GRM7: variants seen among roughly 807,000 people sequenced by gnomAD.
The protein encoded by GRM7 is metabotropic glutamate receptor 7.
GRM7 carries 35 observed loss-of-function variants against 84.5 expected under a neutral mutation model. The ratio of observed to expected loss-of-function variants is 0.41; its 90% CI spans 0.32 to 0.55. The LOEUF is 0.55. GRM7 is among the 20% of genes least tolerant of loss of function. The probability of loss-of-function intolerance (pLI) is 0.19; values close to 1 mark genes in which losing one functional copy is unlikely to be tolerated. For missense variants in GRM7, 1,003 were observed against 1,194.6 expected (o/e 0.84, Z 2.36); for synonymous variants, 487 against 455.1 (o/e 1.07, Z -0.89).
intron 7 of GRM7, among the ~76,000 whole-genome samples, chr3:7,517,211 A>G (rs571166254): frequency 1.0e-3 from 158 of 152,296 alleles, no homozygotes; most frequent in South Asian, 2.9e-3. Context: ...GATGCAGAGA[A>G]GTTTTGGTCA....
intron 9 of GRM7, among the ~76,000 whole-genome samples, chr3:7,729,679 C>T (rs752153417): frequency 2.6e-5 from 4 of 151,964 alleles, no homozygotes; most frequent in Non-Finnish European, 5.9e-5. Context: ...ATATAAGTGC[C>T]GTGAATAAAG....
At chr3:7,359,060 C>T (rs962694241) in intron 4 of GRM7, among the ~76,000 whole-genome samples, 37 of 144,824 alleles carry the variant, frequency 2.6e-4, no homozygotes, top group Admixed American at 1.4e-4. Flanking sequence ...TGTGGTGAGC[C>T]GAGATCATGC....
chr3:7,252,181 C>T (rs1313428857), intron 2 of GRM7, among the ~76,000 whole-genome samples: 1 of 152,132 alleles, frequency 6.6e-6, no homozygotes, highest in Non-Finnish European at 1.5e-5. Flanking sequence ...GCAGAGAGAA[C>T]AGAATTTGTT....
chr3:7,507,900 A>G (rs950309224), intron 7 of GRM7, among the ~76,000 whole-genome samples: 1 of 152,120 alleles, frequency 6.6e-6, no homozygotes, highest in African/African-American at 2.4e-5. Flanking sequence ...CTTGTTCAAC[A>G]CTTATTTCCA....
chr3:7,025,342 T>C (rs936844601), intron 1 of GRM7, among the ~76,000 whole-genome samples: 2 of 152,208 alleles, frequency 1.3e-5, no homozygotes, highest in African/African-American at 4.8e-5. Context: ...GAAGCATTAT[T>C]CTGTCCGCCA....
At chr3:7,278,156 A>C (rs1438631255) in intron 2 of GRM7, among the ~76,000 whole-genome samples, 1 of 152,076 alleles carries the variant, frequency 6.6e-6, no homozygotes, top group African/African-American at 2.4e-5. Context: ...CAAAGACTTT[A>C]CCTAAGATAT....
intron 4 of GRM7, among the ~76,000 whole-genome samples, chr3:7,401,521 G>A (rs766981403): frequency 4.6e-5 from 7 of 152,002 alleles, no homozygotes; most frequent in Non-Finnish European, 1.0e-4. Context: ...TAAAAGCAAT[G>A]ATTTCTGTGT....
intron 1 of GRM7, among the ~76,000 whole-genome samples, chr3:7,080,159 C>T (rs1430804966): frequency 6.6e-6 from 1 of 152,006 alleles, no homozygotes; most frequent in Non-Finnish European, 1.5e-5. Flanking sequence ...TGTCTTTCCC[C>T]CAGAAAACTA....
chr3:7,212,196 C>T (rs1453290657), intron 2 of GRM7, among the ~76,000 whole-genome samples: 1 of 145,260 alleles, frequency 6.9e-6, no homozygotes, highest in Non-Finnish European at 1.5e-5. Flanking sequence ...TCCTTTGGGT[C>T]TTTTTTTTTT....
intron 8 of GRM7, among the ~76,000 whole-genome samples, chr3:7,581,079 G>A (rs13083677): frequency 0.25 from 37,804 of 151,926 alleles, 4,869 homozygotes; most frequent in Middle Eastern, 0.39. Flanking sequence ...ACATAAAAAG[G>A]AAAAATAATT....
intron 4 of GRM7, among the ~76,000 whole-genome samples, chr3:7,362,219 G>A (rs985282956): frequency 3.3e-5 from 5 of 152,074 alleles, no homozygotes; most frequent in Admixed American, 2.6e-4. Flanking sequence ...ACATGGATGA[G>A]TGAAAGTTGA....
chr3:6,902,562 A>G (rs80270526), intron 1 of GRM7, among the ~76,000 whole-genome samples: 3,876 of 152,290 alleles, frequency 0.025, 106 homozygotes, highest in Middle Eastern at 0.071. Context: ...TTGTTCTATT[A>G]TCTCTTAAAT....
intron 1 of GRM7, chr3:6,894,135 T>C (rs1323896243): frequency 6.6e-6 from 1 of 152,166 alleles, no homozygotes; most frequent in African/African-American, 2.4e-5. Flanking sequence ...CCTCTTAGGT[T>C]TGGGGAAATT....
chr3:7,360,279 A>C (rs1197148703), intron 4 of GRM7, among the ~76,000 whole-genome samples: 1 of 147,776 alleles, frequency 6.8e-6, no homozygotes, highest in Non-Finnish European at 1.5e-5. Flanking sequence ...GTATCAGCAA[A>C]TATGCAGAAA....
At chr3:7,252,328 T>C (rs374931267) in intron 2 of GRM7, among the ~76,000 whole-genome samples, 1 of 152,196 alleles carries the variant, frequency 6.6e-6, no homozygotes, top group East Asian at 1.9e-4. Flanking sequence ...CTCATAGCCC[T>C]CAAGTCCTTC....
At chr3:7,172,542 T>TCCCACC (rs1695016777) in intron 2 of GRM7, among the ~76,000 whole-genome samples, 1 of 109,174 alleles carries the variant, frequency 9.2e-6, no homozygotes, top group Non-Finnish European at 1.8e-5. Context: ...TATGTAGTCT[T>TCCCACC]CCCCCCCGCC....
At chr3:7,291,104 T>G (rs746892033) in intron 2 of GRM7, among the ~76,000 whole-genome samples, 1 of 151,964 alleles carries the variant, frequency 6.6e-6, no homozygotes, top group Non-Finnish European at 1.5e-5. Flanking sequence ...CAGCAGTGAT[T>G]CCTTGGGACT....
rs367854443 is a variant in GRM7 at position 7,165,947 on chromosome 3, C to T, written c.736+19279C>T. Among the ~76,000 whole-genome samples the T allele has an allele frequency of 3.3e-5, 5 of 152,178 alleles. No individual in the cohort carries two copies. In the South Asian group the frequency reaches 6.2e-4, roughly 19 times the overall value. On this transcript the variant is annotated intron_variant, in intron 2 of 9. Transcript: ENST00000357716. Reference sequence around the variant, plus strand: ...AGTAGCTTTAAATTCTCAAGTACTTCGAAATATGTTATTTCTTTAATGTTA... The same window carrying T: ...AGTAGCTTTAAATTCTCAAGTACTTTGAAATATGTTATTTCTTTAATGTTA...
Position 7,502,855 on chromosome 3 carries a change from A to C in GRM7, c.1515+41133A>C, listed in dbSNP as rs535330459. Reference sequence around the variant, plus strand: ...TTTGCATATTCATCAACATCATTTTAATTCTAACGCAACCCTGAAGAGTGA... The same window carrying C: ...TTTGCATATTCATCAACATCATTTTCATTCTAACGCAACCCTGAAGAGTGA... On this transcript the variant is annotated intron_variant, in intron 7 of 9. Coordinates refer to ENST00000357716, the MANE Select transcript of GRM7 (RefSeq NM_000844.4). Among the ~76,000 whole-genome samples, 18 of 152,318 alleles carry C rather than the reference A, an allele frequency of 1.2e-4. No individual in the cohort carries two copies. The South Asian group carries it at 3.7e-3, about 32-fold the overall frequency.
Sources: allele counts gnomAD v4.1 joint callset (sites outside exome capture counted in the v4.1 genomes callset), GRCh38; gene constraint gnomAD v4.1.1; transcripts MANE v1.5; gene names NCBI Gene and HGNC (gene_info 2026-07-23, HGNC 2026-07-21).